The following INPP4B variants were observed in gnomAD, a reference collection of about 807,000 sequenced individuals.
INPP4B encodes the protein inositol polyphosphate-4-phosphatase type II B.
In INPP4B, 55 loss-of-function variants were observed where a neutral mutation model predicts 122.5. That is an observed-to-expected ratio of 0.45 (90% confidence interval 0.36 to 0.56). The LOEUF is 0.56. Ranked by LOEUF, INPP4B falls within the 20% of genes least tolerant of loss-of-function variation. The pLI is 0.00. For synonymous variants in INPP4B, 403 were observed against 388.7 expected (o/e 1.04, Z -0.43); for missense variants, 1,000 against 1,097.7 (o/e 0.91, Z 1.26).
intron 2 of INPP4B, among the ~76,000 whole-genome samples, chr4:142,674,898 G>A (rs1383178537): frequency 6.6e-6 from 1 of 152,102 alleles, no homozygotes; most frequent in African/African-American, 2.4e-5. Context: ...GCCCACAAGA[G>A]AAAGCAGGAA....
At chr4:142,212,155 C>A (rs1241918120) in intron 12 of INPP4B, among the ~76,000 whole-genome samples, 1 of 152,058 alleles carries the variant, frequency 6.6e-6, no homozygotes, top group South Asian at 2.1e-4. Context: ...GAGTTGATAA[C>A]CCGATAGCAT....
intron 2 of INPP4B, among the ~76,000 whole-genome samples, chr4:142,482,748 T>A (rs1380255666): frequency 6.6e-6 from 1 of 152,152 alleles, no homozygotes; most frequent in African/African-American, 2.4e-5. Context: ...CTGACCTTTT[T>A]GACTTGGTCT....
intron 2 of INPP4B, among the ~76,000 whole-genome samples, chr4:142,526,949 T>A (rs1011076054): frequency 6.6e-6 from 1 of 152,092 alleles, no homozygotes; most frequent in African/African-American, 2.4e-5. Flanking sequence ...CAGATAATGC[T>A]GTCTGTGATG....
chr4:142,142,779 T>G (rs1411646534), intron 18 of INPP4B, among the ~76,000 whole-genome samples: 1 of 152,118 alleles, frequency 6.6e-6, no homozygotes, highest in Non-Finnish European at 1.5e-5. Flanking sequence ...ATTTTGAATG[T>G]TGTCACCACA....
chr4:142,317,992 G>A lies in INPP4B; in HGVS notation c.373-3230C>T, dbSNP rs149517393. On this transcript the variant is annotated intron_variant, in intron 7 of 25. Coordinates refer to ENST00000262992, the MANE Select transcript of INPP4B (RefSeq NM_001101669.3). ...GCCAGGCAATAGGATATGAGGGAAGGCATTGAATAGTAGAGTGGCATGATC... is the reference window on the plus strand; with the variant it reads ...GCCAGGCAATAGGATATGAGGGAAGACATTGAATAGTAGAGTGGCATGATC... 7.6e-4 allele frequency among the ~76,000 whole-genome samples: 115 copies of A among 152,230 alleles called. No individual in the cohort carries two copies. The East Asian group carries it at 0.017, about 23-fold the overall frequency.
intron 25 of INPP4B, among the ~76,000 whole-genome samples, chr4:142,073,276 G>C (rs1273568781): frequency 6.6e-6 from 1 of 152,076 alleles, no homozygotes; most frequent in Non-Finnish European, 1.5e-5. Flanking sequence ...TGCTCATAGG[G>C]CTTTAGGCCA....
At chr4:142,652,767 T>G (rs187439038) in intron 2 of INPP4B, among the ~76,000 whole-genome samples, 1 of 152,250 alleles carries the variant, frequency 6.6e-6, no homozygotes, top group East Asian at 1.9e-4. Context: ...GAATCAATAT[T>G]GTGAAAATAG....
chr4:142,382,799 T>C (rs1794693190), intron 7 of INPP4B, among the ~76,000 whole-genome samples: 1 of 151,040 alleles, frequency 6.6e-6, no homozygotes, highest in African/African-American at 2.4e-5. Flanking sequence ...ATTTCAATCA[T>C]AGTAACAGAA....
chr4:142,517,075 C>CAA (rs199702990), intron 2 of INPP4B, among the ~76,000 whole-genome samples: 11 of 149,958 alleles, frequency 7.3e-5, no homozygotes, highest in African/African-American at 1.7e-4. Context: ...TATGACTAGA[C>CAA]AAAAAAAAAT....
intron 2 of INPP4B, among the ~76,000 whole-genome samples, chr4:142,639,588 CTT>C (rs539039951): frequency 6.6e-6 from 1 of 151,116 alleles, no homozygotes; most frequent in East Asian, 1.9e-4. Flanking sequence ...TTGAAGAGCA[CTT>C]TTTTTTTGAC....
In INPP4B at chr4:142,145,974, C is replaced by G. The variant is rs781105123; in HGVS notation, c.1586G>C (p.Gly529Ala). 6.2e-7 allele frequency: 1 copy of G among 1,613,330 alleles called. No individual in the cohort carries two copies. The highest frequency in any genetic ancestry group is 1.1e-5 in the South Asian group (1 of 90,978). The change falls in exon 18 of 26, where the codon GGG (glycine) becomes GCG (alanine). Residue 529 changes from glycine to alanine, a missense_variant. Transcript: ENST00000262992. ...AGCAATAATGCAGTTCAGGCTCTTC[C>G]CCACATTGGCCCACACCCTGTCCTG... The part of the protein sequence containing the change: ...EEWDRVWANV[G>A]KSLNCIIAMV...
chr4:142,521,012 TTAAG>T (rs1189514659), intron 2 of INPP4B, among the ~76,000 whole-genome samples: 1 of 151,844 alleles, frequency 6.6e-6, no homozygotes, highest in Non-Finnish European at 1.5e-5. Flanking sequence ...CAAACCTACA[TTAAG>T]TATGATGACC....
intron 2 of INPP4B, among the ~76,000 whole-genome samples, chr4:142,592,016 T>C (rs1737609189): frequency 6.6e-6 from 1 of 152,120 alleles, no homozygotes; most frequent in African/African-American, 2.4e-5. Flanking sequence ...AAAAATAAGG[T>C]ATCAATATTA....
chr4:142,195,788 C>T (rs972441330), intron 14 of INPP4B, among the ~76,000 whole-genome samples: 4 of 152,118 alleles, frequency 2.6e-5, no homozygotes, highest in East Asian at 1.9e-4. Flanking sequence ...GTTTAAATAA[C>T]TAACTTTTGC....
rs372085003 is a variant in INPP4B, at chr4:142,561,441, C to T, written c.-190-98715G>A. On this transcript the variant is annotated intron_variant, in intron 2 of 25. Transcript: ENST00000262992. Reference sequence around the variant, plus strand: ...TTGTTTGTTTGTTTGTTTTTTGAGACGGAGTCTTGCTCTGTTGCCCAGGTT... The same window carrying T: ...TTGTTTGTTTGTTTGTTTTTTGAGATGGAGTCTTGCTCTGTTGCCCAGGTT... 3.3e-3 allele frequency among the ~76,000 whole-genome samples: 509 copies of T among 152,068 alleles called. 5 individuals are homozygous for T. The highest frequency in any genetic ancestry group is 3.4e-3 in the Non-Finnish European group (231 of 67,966).
intron 14 of INPP4B, among the ~76,000 whole-genome samples, chr4:142,195,407 A>T (rs971026099): frequency 2.0e-5 from 3 of 152,174 alleles, no homozygotes; most frequent in Non-Finnish European, 4.4e-5. Context: ...TTAAAAATGT[A>T]TTAAGAGGGT....
intron 2 of INPP4B, among the ~76,000 whole-genome samples, chr4:142,632,917 GAA>G (rs55768165): frequency 2.0e-5 from 3 of 150,738 alleles, no homozygotes; most frequent in Admixed American, 2.0e-4. Flanking sequence ...TGGTAGATTT[GAA>G]AAAAAAATTT....
Position 142,624,122 on chromosome 4 carries a change from T to C in INPP4B, c.-191+101717A>G, listed in dbSNP as rs957888771. Among the ~76,000 whole-genome samples the C allele has an allele frequency of 4.5e-4, 68 of 150,876 alleles. 1 individual carries two copies. Among genetic ancestry groups the C allele is most frequent in the Admixed American group, 1.3e-3 (20 of 15,166 alleles). ...CTGGGTCAAATGGTATTTCTAGTTC[T>C]AGATCTCTGAGGAATCGCCACACTG... On this transcript the variant is annotated intron_variant, in intron 2 of 25. Transcript: ENST00000262992.
chr4:142,335,081 C>T (rs1051681309), intron 7 of INPP4B, among the ~76,000 whole-genome samples: 12 of 132,980 alleles, frequency 9.0e-5, no homozygotes, highest in African/African-American at 3.5e-4. Context: ...CTGCTTAATG[C>T]TCTGTCTGCT....
Sources: allele counts gnomAD v4.1 joint callset (sites outside exome capture counted in the v4.1 genomes callset), GRCh38; gene constraint gnomAD v4.1.1; transcripts MANE v1.5; gene names NCBI Gene and HGNC (gene_info 2026-07-23, HGNC 2026-07-21).